The following HEXB variants were observed in gnomAD, a reference collection of about 807,000 sequenced individuals.
HEXB encodes hexosaminidase subunit beta.
Under a neutral mutation model 71.2 loss-of-function variants are expected in HEXB, and 51 were observed. The observed-to-expected ratio is 0.72, with a 90% confidence interval of 0.57 to 0.90. HEXB has a LOEUF of 0.90. HEXB is among the 40% of genes least tolerant of loss of function. HEXB has a pLI of 0.00. For synonymous variants in HEXB, 266 were observed against 249.3 expected (o/e 1.07, Z -0.63); for missense variants, 617 against 677.0 (o/e 0.91, Z 0.98).
intron 1 of HEXB, among the ~76,000 whole-genome samples, chr5:74,648,304 C>A (rs1748038142): frequency 6.6e-6 from 1 of 152,152 alleles, no homozygotes. Context: ...GAGATGAAAC[C>A]ATTTCTTCTG....
chr5:74,665,955 A>G (rs962572601), intron 1 of HEXB, among the ~76,000 whole-genome samples: 1 of 152,252 alleles, frequency 6.6e-6, no homozygotes, highest in African/African-American at 2.4e-5. Flanking sequence ...AAAAGCATGA[A>G]TAAACATGCC....
At chr5:74,695,891 AT>A (rs1291637805) in intron 3 of HEXB, among the ~76,000 whole-genome samples, 2 of 151,890 alleles carry the variant, frequency 1.3e-5, no homozygotes, top group Non-Finnish European at 2.9e-5. Context: ...CAGTGACTAG[AT>A]TTCTAGTCCA....
At chr5:74,649,395 T>C (rs532766106) in intron 1 of HEXB, among the ~76,000 whole-genome samples, 1 of 152,368 alleles carries the variant, frequency 6.6e-6, no homozygotes, top group Admixed American at 6.5e-5. Context: ...ATGACTAGAA[T>C]CCCTAACATT....
chr5:74,650,205 G>A (rs973085028), intron 1 of HEXB, among the ~76,000 whole-genome samples: 1 of 152,190 alleles, frequency 6.6e-6, no homozygotes, highest in African/African-American at 2.4e-5. Flanking sequence ...ACCTCCTCGA[G>A]CATGTTACAG....
chr5:74,677,760 A>G (rs1748662747), intron 1 of HEXB, among the ~76,000 whole-genome samples: 1 of 151,814 alleles, frequency 6.6e-6, no homozygotes, highest in Non-Finnish European at 1.5e-5. Context: ...TGTTAAAAGG[A>G]TTAATTATAT....
chr5:74,691,047 C>A (rs1359293889), intron 2 of HEXB, among the ~76,000 whole-genome samples: 1 of 152,110 alleles, frequency 6.6e-6, no homozygotes, highest in African/African-American at 2.4e-5. Context: ...TGAAATGTAT[C>A]GAGACTAGAG....
At position 74,689,382 on chromosome 5, in the gene HEXB, C is replaced by A; in HGVS notation, c.354C>A (p.Phe118Leu). 1 of 1,612,064 alleles carries A rather than the reference C, an allele frequency of 6.2e-7. No individual in the cohort carries two copies. The highest frequency in any genetic ancestry group is 8.5e-7 in the Non-Finnish European group (1 of 1,178,098). The change falls in exon 2 of 14, where the codon TTC (phenylalanine) becomes TTA (leucine). Residue 118 changes from phenylalanine to leucine, a missense_variant. By Grantham distance (22) the Phe-to-Leu change is conservative. Coordinates refer to ENST00000261416, the MANE Select transcript of HEXB (RefSeq NM_000521.4). Reference protein sequence around the residue: ...FYKWHHEPAEFQAKTQVQQLL... With the variant: ...FYKWHHEPAELQAKTQVQQLL... ...AGTGGCATCATGAACCTGCTGAATT[C>A]CAGGCTAAAACCCAGGTTCAGCAAC...
chr5:74,650,475 A>G (rs1442332817), intron 1 of HEXB, among the ~76,000 whole-genome samples: 1 of 152,224 alleles, frequency 6.6e-6, no homozygotes, highest in East Asian at 1.9e-4. Flanking sequence ...GCTGAAGAAC[A>G]GAAAATAGCA....
intron 1 of HEXB, among the ~76,000 whole-genome samples, chr5:74,674,414 T>C (rs931507800): frequency 2.6e-5 from 4 of 151,968 alleles, no homozygotes; most frequent in African/African-American, 9.7e-5. Flanking sequence ...CCATCCTGGC[T>C]AACATGGTGA....
chr5:74,642,029 A>T (rs7734383), intron 1 of HEXB, among the ~76,000 whole-genome samples: 19,307 of 152,200 alleles, frequency 0.13, 1,375 homozygotes, highest in African/African-American at 0.18. Flanking sequence ...GCTTTAAAAC[A>T]CTAGGCGCAG....
At chr5:74,667,597 G>A (rs1254975868) in intron 1 of HEXB, among the ~76,000 whole-genome samples, 5 of 152,134 alleles carry the variant, frequency 3.3e-5, no homozygotes, top group African/African-American at 9.7e-5. Flanking sequence ...CAGGGAAGTG[G>A]GAGAAGACAG....
intron 1 of HEXB, among the ~76,000 whole-genome samples, chr5:74,660,562 T>C (rs1464714445): frequency 6.6e-6 from 1 of 152,144 alleles, no homozygotes; most frequent in Non-Finnish European, 1.5e-5. Flanking sequence ...ATCAAGCCAC[T>C]AAATGGAGCC....
chr5:74,685,031 G>A, upstream of HEXB: 1 of 524,118 alleles, frequency 1.9e-6, no homozygotes, highest in Non-Finnish European at 3.3e-6. Context: ...TGCTGTCTGG[G>A]CTCTGCTCCT....
At chr5:74,664,924 G>A (rs1010469905) in intron 1 of HEXB, among the ~76,000 whole-genome samples, 1 of 152,154 alleles carries the variant, frequency 6.6e-6, no homozygotes, top group Non-Finnish European at 1.5e-5. Flanking sequence ...GGGAGGGCAC[G>A]ACATATCCCA....
At chr5:74,668,481 A>G (rs1336006088) in intron 1 of HEXB, among the ~76,000 whole-genome samples, 2 of 152,184 alleles carry the variant, frequency 1.3e-5, no homozygotes, top group African/African-American at 4.8e-5. Flanking sequence ...CAGTTAGGCC[A>G]AGTGGAGTTC....
intron 1 of HEXB, among the ~76,000 whole-genome samples, chr5:74,679,348 T>A (rs1014645302): frequency 6.6e-6 from 1 of 152,164 alleles, no homozygotes; most frequent in African/African-American, 2.4e-5. Context: ...GAGAAATAGA[T>A]CCTTCTTATG....
intron 3 of HEXB, among the ~76,000 whole-genome samples, chr5:74,695,305 G>A (rs1425039988): frequency 6.9e-6 from 1 of 145,840 alleles, no homozygotes; most frequent in Non-Finnish European, 1.5e-5. Flanking sequence ...ATGGGTTCAT[G>A]CCATTCTCCT....
In HEXB at chr5:74,697,953, T is replaced by A. The variant is rs116257380; in HGVS notation, c.669+847T>A. On this transcript the variant is annotated intron_variant, in intron 5 of 13. Transcript: ENST00000261416. ...CTGTTTTCTCCTATGGGCTTTTTTTTATTGGTTAATCCCCACCATCACCTG... is the reference window on the plus strand; with the variant it reads ...CTGTTTTCTCCTATGGGCTTTTTTTAATTGGTTAATCCCCACCATCACCTG... Among the ~76,000 whole-genome samples, 629 of 152,142 alleles carry A rather than the reference T, an allele frequency of 4.1e-3. 8 individuals are homozygous for A. Among genetic ancestry groups the A allele is most frequent in the African/African-American group, 0.014 (587 of 41,546 alleles).
intron 1 of HEXB, among the ~76,000 whole-genome samples, chr5:74,658,936 G>A (rs539002579): frequency 2.6e-5 from 4 of 152,116 alleles, no homozygotes; most frequent in African/African-American, 4.8e-5. Flanking sequence ...CTATGTCCTT[G>A]AGCCTCACAG....
Sources: gnomAD v4.1 joint callset for allele counts (sites outside exome capture counted in the v4.1 genomes callset) on GRCh38, gnomAD v4.1.1 for gene constraint, MANE v1.5 for transcripts, NCBI Gene and HGNC (gene_info 2026-07-23, HGNC 2026-07-21) for gene names.